Variants in XPO7 observed in about 807,000 individuals in gnomAD.
XPO7 encodes exportin-7.
Under a neutral mutation model 144.3 loss-of-function variants are expected in XPO7, and 21 were observed. That is an observed-to-expected ratio of 0.15 (90% CI 0.10 to 0.21). The LOEUF (loss-of-function observed/expected upper bound fraction) is 0.21, where lower values mean the gene tolerates loss of function less well. XPO7 is among the 10% of genes least tolerant of loss of function. The probability of loss-of-function intolerance (pLI) is 1.00; values close to 1 mark genes in which losing one functional copy is unlikely to be tolerated. For synonymous variants in XPO7, 580 were observed against 499.6 expected (o/e 1.16, Z -2.15); for missense variants, 808 against 1,325.8 (o/e 0.61, Z 6.06).
chr8:21,958,922 C>G (rs1427530002), intron 1 of XPO7, among the ~76,000 whole-genome samples: 2 of 150,018 alleles, frequency 1.3e-5, no homozygotes, highest in Non-Finnish European at 1.5e-5. Flanking sequence ...GTTCGCGCCA[C>G]TACACTCCAG....
chr8:21,990,950 G>T, intron 18 of XPO7, 31 bp downstream of exon 18: 1 of 1,593,092 alleles, frequency 6.3e-7, no homozygotes, highest in Non-Finnish European at 8.6e-7. Flanking sequence ...GGCTCATGAA[G>T]TCATCTGGCA....
chr8:21,974,577 T>C, intron 5 of XPO7, 93 bp from the exon 6 acceptor site: 1 of 786,236 alleles, frequency 1.3e-6, no homozygotes, highest in Non-Finnish European at 2.0e-6. Context: ...ATGTTGCTCT[T>C]ACTGGAAATC....
At chr8:21,979,078 G>C (rs1415376862) in intron 8 of XPO7, among the ~76,000 whole-genome samples, 1 of 152,178 alleles carries the variant, frequency 6.6e-6, no homozygotes, top group Non-Finnish European at 1.5e-5. Flanking sequence ...TTTTTTGTTT[G>C]TTTGTTTGAG....
chr8:21,927,882 C>G (rs1810513056), intron 1 of XPO7, among the ~76,000 whole-genome samples: 2 of 152,146 alleles, frequency 1.3e-5, no homozygotes, highest in African/African-American at 4.8e-5. Context: ...TACCCGTCCC[C>G]TCAAATGTAA....
intron 1 of XPO7, among the ~76,000 whole-genome samples, chr8:21,950,523 G>A (rs927163379): frequency 6.6e-6 from 1 of 152,174 alleles, no homozygotes; most frequent in Non-Finnish European, 1.5e-5. Flanking sequence ...GGGAACATTA[G>A]TGGTGTTTTC....
intron 12 of XPO7, among the ~76,000 whole-genome samples, 179 bp downstream of exon 12, chr8:21,985,018 AC>A (rs1812533594): frequency 6.6e-6 from 1 of 152,228 alleles, no homozygotes; most frequent in Admixed American, 6.5e-5. Flanking sequence ...GGGAAGAAGA[AC>A]TGAAATCACA....
intron 21 of XPO7, 31 bp downstream of exon 21, chr8:21,995,630 A>G (rs1812921860): frequency 6.6e-7 from 1 of 1,506,644 alleles, no homozygotes; most frequent in South Asian, 1.2e-5. Flanking sequence ...GCAAGGGCAC[A>G]TCTGCCCTGT....
intron 8 of XPO7, 81 bp from the exon 9 acceptor site, chr8:21,980,003 T>C (rs1476274327): frequency 2.2e-6 from 3 of 1,395,350 alleles, no homozygotes; most frequent in Non-Finnish European, 2.8e-6. Context: ...AAGAAGGATA[T>C]TGTAGGAGGT....
At chr8:21,929,651 A>G (rs1476364185) in intron 1 of XPO7, among the ~76,000 whole-genome samples, 93 of 152,242 alleles carry the variant, frequency 6.1e-4, no homozygotes, top group Admixed American at 6.1e-3. Context: ...TCAGCTTCTA[A>G]TTTTAAAGTA....
At chr8:22,002,402 G>A (rs764340137) in intron 25 of XPO7, 130 bp downstream of exon 25, 3 of 1,175,126 alleles carry the variant, frequency 2.6e-6, no homozygotes, top group East Asian at 5.2e-5. Flanking sequence ...TGAAGTCCGT[G>A]TCTTAAAGTT....
chr8:21,964,770 C>T (rs576508860), intron 1 of XPO7, among the ~76,000 whole-genome samples: 1 of 152,294 alleles, frequency 6.6e-6, no homozygotes, highest in South Asian at 2.1e-4. Flanking sequence ...CAAAACAAAA[C>T]AACAACAAAA....
chr8:21,987,315 C>G, intron 14 of XPO7, 39 bp downstream of exon 14: 5 of 1,612,322 alleles, frequency 3.1e-6, no homozygotes, highest in Non-Finnish European at 4.2e-6. Context: ...GTTCTCACTT[C>G]TCACTTGTGG....
chr8:21,938,919 T>C (rs1393004737), intron 1 of XPO7, among the ~76,000 whole-genome samples: 3 of 152,220 alleles, frequency 2.0e-5, no homozygotes, highest in African/African-American at 7.2e-5. Context: ...AAATCTCTTA[T>C]TATACTTTTA....
intron 1 of XPO7, chr8:21,966,216 T>C: frequency 1.3e-6 from 1 of 756,476 alleles, no homozygotes; most frequent in South Asian, 1.4e-5. Context: ...TGAATTTATT[T>C]TGACGCTTTC....
chr8:21,980,604 T>A (rs756472640), intron 9 of XPO7, among the ~76,000 whole-genome samples: 2 of 152,012 alleles, frequency 1.3e-5, no homozygotes, highest in Non-Finnish European at 2.9e-5. Flanking sequence ...AAACCCTGTC[T>A]CTACTAAAAC....
intron 2 of XPO7, among the ~76,000 whole-genome samples, chr8:21,967,496 A>C (rs989050754): frequency 5.9e-5 from 9 of 151,888 alleles, no homozygotes; most frequent in Non-Finnish European, 1.0e-4. Flanking sequence ...AAGCTTGGCT[A>C]ATTTTGTATT....
intron 27 of XPO7, among the ~76,000 whole-genome samples, chr8:22,004,349 A>G (rs1813252579): frequency 6.6e-6 from 1 of 152,206 alleles, no homozygotes; most frequent in South Asian, 2.1e-4. Flanking sequence ...ATACGTTTTC[A>G]TCAGAAATAC....
intron 1 of XPO7, among the ~76,000 whole-genome samples, chr8:21,950,686 CAT>C (rs1446029165): frequency 3.9e-5 from 6 of 152,100 alleles, no homozygotes; most frequent in South Asian, 4.1e-4. Flanking sequence ...GAATTAAAAA[CAT>C]ATAGTATATA....
chr8:21,933,096 ATTTT>A (rs34592897), intron 1 of XPO7, among the ~76,000 whole-genome samples: 10 of 110,744 alleles, frequency 9.0e-5, no homozygotes, highest in African/African-American at 1.0e-4. Flanking sequence ...CTTTTGCTGG[ATTTT>A]TTTTTTTTTT....
Sources: allele counts gnomAD v4.1 joint callset (sites outside exome capture counted in the v4.1 genomes callset), GRCh38; gene constraint gnomAD v4.1.1; transcripts MANE v1.5; gene names NCBI Gene and HGNC (gene_info 2026-07-23, HGNC 2026-07-21).